Variants in MPDZ observed in about 807,000 individuals in gnomAD.
MPDZ encodes the protein multiple PDZ domain protein.
In MPDZ, 234 loss-of-function variants were observed where a neutral mutation model predicts 239.1. The observed-to-expected ratio is 0.98, with a 90% CI of 0.88 to 1.09. MPDZ has a LOEUF of 1.09. Ranked by LOEUF, MPDZ falls within the 50% of genes least tolerant of loss-of-function variation. The pLI, the probability that MPDZ is intolerant of heterozygous loss-of-function variation, is 0.00. For missense variants in MPDZ, 3,175 were observed against 2,510.0 expected, an observed-to-expected ratio of 1.26 and a Z score of -5.66; for synonymous variants, 1,048 against 881.3, an observed-to-expected ratio of 1.19 and a Z score of -3.35.
chr9:13,240,333 T>C (rs1965082855), intron 3 of MPDZ, among the ~76,000 whole-genome samples: 1 of 151,944 alleles, frequency 6.6e-6, no homozygotes, highest in Non-Finnish European at 1.5e-5. Flanking sequence ...TCACTTTAAC[T>C]TTAAAATCTA....
chr9:13,173,500 C>A (rs1360222062), intron 21 of MPDZ, among the ~76,000 whole-genome samples: 2 of 151,840 alleles, frequency 1.3e-5, no homozygotes, highest in Non-Finnish European at 2.9e-5. Context: ...CTCAGGAGTT[C>A]AAGACCAACC....
intron 32 of MPDZ, among the ~76,000 whole-genome samples, chr9:13,128,058 C>G (rs1247816743): frequency 6.6e-6 from 1 of 152,064 alleles, no homozygotes; most frequent in Non-Finnish European, 1.5e-5. Context: ...ATTAGAATAT[C>G]TAGCCTTCCC....
intron 3 of MPDZ, among the ~76,000 whole-genome samples, chr9:13,246,706 G>GT (rs977564642): frequency 1.4e-4 from 21 of 151,772 alleles, no homozygotes; most frequent in African/African-American, 3.9e-4. Context: ...CACACTTTGG[G>GT]TTTTTTTTAA....
chr9:13,269,449 A>C (rs1972490147), intron 1 of MPDZ, among the ~76,000 whole-genome samples: 1 of 152,140 alleles, frequency 6.6e-6, no homozygotes, highest in Non-Finnish European at 1.5e-5. Context: ...TAAATTAAAA[A>C]TCCTAGTGGA....
chr9:13,224,114 AT>A (rs374999106), intron 4 of MPDZ, among the ~76,000 whole-genome samples: 103 of 152,198 alleles, frequency 6.8e-4, no homozygotes, highest in Non-Finnish European at 1.2e-3. Flanking sequence ...AAGAAATTGA[AT>A]AACATTTTTC....
chr9:13,217,826 C>T (rs911336983), intron 8 of MPDZ, among the ~76,000 whole-genome samples: 1 of 151,776 alleles, frequency 6.6e-6, no homozygotes, highest in African/African-American at 2.4e-5. Flanking sequence ...TGTCTTAATT[C>T]ATTATTCCTC....
At position 13,137,945 on chromosome 9, in the gene MPDZ, AC is replaced by A; in HGVS notation, c.4200+11del. The A allele has an allele frequency of 6.2e-7, 1 of 1,613,118 alleles. No homozygotes were observed. Among genetic ancestry groups the A allele is most frequent in the Non-Finnish European group, 8.5e-7 (1 of 1,179,472 alleles). ...AACAAGAATAAATTCAAAATTTTCC[AC>A]AAAAACTTACCTCTAGAAGCTCATC... is the stretch of plus-strand genomic sequence containing the variant. On this transcript the variant is annotated intron_variant, in intron 29 of 46. Coordinates refer to ENST00000319217, the MANE Select transcript of MPDZ (RefSeq NM_001378778.1).
intron 23 of MPDZ, among the ~76,000 whole-genome samples, chr9:13,160,010 A>G (rs1312810865): frequency 6.6e-6 from 1 of 152,192 alleles, no homozygotes; most frequent in Non-Finnish European, 1.5e-5. Context: ...GCAAATATGT[A>G]CCAGGTAAAG....
intron 12 of MPDZ, among the ~76,000 whole-genome samples, chr9:13,203,740 ACAC>A (rs1478878992): frequency 1.3e-5 from 2 of 149,764 alleles, no homozygotes; most frequent in South Asian, 2.1e-4. Flanking sequence ...ACACACACAC[ACAC>A]ACACACACAC....
At chr9:13,231,675 T>C (rs1376756622) in intron 3 of MPDZ, among the ~76,000 whole-genome samples, 2 of 150,562 alleles carry the variant, frequency 1.3e-5, no homozygotes, top group East Asian at 3.9e-4. Flanking sequence ...TGGTAAATTC[T>C]TCCCATTTTT....
intron 26 of MPDZ, among the ~76,000 whole-genome samples, chr9:13,143,803 C>G (rs1431248303): frequency 6.6e-6 from 1 of 152,084 alleles, no homozygotes; most frequent in African/African-American, 2.4e-5. Context: ...AGTTGTCAAA[C>G]TGATCCCAAA....
intron 5 of MPDZ, among the ~76,000 whole-genome samples, chr9:13,223,326 A>C (rs1161845335): frequency 2.6e-5 from 4 of 152,006 alleles, no homozygotes; most frequent in African/African-American, 9.7e-5. Flanking sequence ...AATGAAAATA[A>C]TGTTATCCTC....
rs1975209807 is a variant in MPDZ at position 13,279,536 on chromosome 9, C to G, written c.-194G>C. On this transcript the variant is annotated 5_prime_UTR_variant, in exon 1 of 47. Transcript: ENST00000319217. ...TCTGAAGTAACGACCCGGCGAGGAG[C>G]TTCGGATCAAAACGCACAGACACTC... is the stretch of plus-strand genomic sequence containing the variant. 1 of 6,866 alleles carries G rather than the reference C, an allele frequency of 1.5e-4. No homozygotes were observed. Among genetic ancestry groups the G allele is most frequent in the South Asian group, 0.12 (1 of 8 alleles). The allele number at this position is 6,866 out of a possible 1,614,324, so 0.4% of individuals were successfully genotyped here.
At chr9:13,273,971 T>C (rs1056393118) in intron 1 of MPDZ, among the ~76,000 whole-genome samples, 5 of 152,170 alleles carry the variant, frequency 3.3e-5, no homozygotes, top group African/African-American at 1.2e-4. Context: ...ATGATGCTCA[T>C]TTAGAAAGGC....
intron 3 of MPDZ, among the ~76,000 whole-genome samples, chr9:13,239,364 C>T (rs1341792369): frequency 6.6e-6 from 1 of 152,092 alleles, no homozygotes; most frequent in African/African-American, 2.4e-5. Context: ...TCTCTATAAC[C>T]CCATTTCCCT....
rs192589235 is a variant in MPDZ at position 13,112,909 on chromosome 9, T to C, written c.5601+102A>G. The C allele has an allele frequency of 1.3e-3, 1,426 of 1,123,942 alleles. 14 individuals are homozygous for C. In the African/African-American group the frequency reaches 0.02, roughly 16 times the overall value. 69.6% of individuals were successfully genotyped at this position (1,123,942 alleles called of 1,614,324 possible). A position where few individuals can be genotyped will look rare whatever the true frequency, so the allele number is the denominator to read the frequency against. On this transcript the variant is annotated intron_variant, in intron 42 of 46. Coordinates refer to ENST00000319217, the MANE Select transcript of MPDZ (RefSeq NM_001378778.1). ...GTAATATGTAAGAATACATACTTTT[T>C]GAGATGAATACTTTAAAACCGTAAG... is the stretch of plus-strand genomic sequence containing the variant.
At chr9:13,272,057 T>A (rs959856690) in intron 1 of MPDZ, among the ~76,000 whole-genome samples, 1 of 152,200 alleles carries the variant, frequency 6.6e-6, no homozygotes, top group Non-Finnish European at 1.5e-5. Context: ...ATGTTCACTA[T>A]CTTGATTGTG....
intron 1 of MPDZ, among the ~76,000 whole-genome samples, chr9:13,262,705 C>T (rs2138817884): frequency 6.6e-6 from 1 of 151,708 alleles, no homozygotes; most frequent in Non-Finnish European, 1.5e-5. Context: ...AAACAAAAAA[C>T]ACAAAACAAG....
In MPDZ at chr9:13,143,578, T is replaced by G. The variant is rs1462178983; in HGVS notation, c.3742-14A>C. On this transcript the variant is annotated splice_polypyrimidine_tract_variant and intron_variant, in intron 26 of 46. Transcript: ENST00000319217. ...CAAAGGGGATTTCTAAAAGGAAACA[T>G]AAGAGGCGCTGAACGCAAAGGAAAT... The G allele has an allele frequency of 4.4e-6, 7 of 1,597,494 alleles. No individual in the cohort carries two copies. Among genetic ancestry groups the G allele is most frequent in the Non-Finnish European group, 5.1e-6 (6 of 1,165,316 alleles).
Sources: gnomAD v4.1 joint callset for allele counts (sites outside exome capture counted in the v4.1 genomes callset) on GRCh38, gnomAD v4.1.1 for gene constraint, MANE v1.5 for transcripts, NCBI Gene and HGNC (gene_info 2026-07-23, HGNC 2026-07-21) for gene names.